MED13: variants seen among roughly 807,000 people sequenced by gnomAD.
MED13 encodes the protein mediator complex subunit 13, also known as mediator of RNA polymerase II transcription subunit 13.
MED13 carries 23 observed loss-of-function variants against 225.2 expected under a neutral mutation model. The ratio of observed to expected loss-of-function variants is 0.10; its 90% CI spans 0.07 to 0.14. The LOEUF (loss-of-function observed/expected upper bound fraction) is 0.14, where lower values mean the gene tolerates loss of function less well. Among genes scored for constraint, MED13 ranks in the 10% least tolerant of loss-of-function variants. The probability of loss-of-function intolerance (pLI) is 1.00; values close to 1 mark genes in which losing one functional copy is unlikely to be tolerated. For synonymous variants in MED13, 942 were observed against 889.2 expected (o/e 1.06, Z -1.06); for missense variants, 2,197 against 2,594.5 (o/e 0.85, Z 3.33).
At chr17:62,016,683 T>A (rs958940555) in intron 8 of MED13, among the ~76,000 whole-genome samples, 2 of 152,214 alleles carry the variant, frequency 1.3e-5, no homozygotes, top group African/African-American at 4.8e-5. Context: ...TTACTGTATG[T>A]CAAAATAATA....
intron 17 of MED13, among the ~76,000 whole-genome samples, chr17:61,972,112 CAA>C (rs926243449): frequency 1.1e-4 from 17 of 152,100 alleles, no homozygotes; most frequent in Non-Finnish European, 2.2e-4. Context: ...AATCCATACA[CAA>C]AAGTCAAAGA....
intron 3 of MED13, among the ~76,000 whole-genome samples, chr17:62,045,449 G>A (rs569950105): frequency 6.6e-6 from 1 of 151,926 alleles, no homozygotes; most frequent in Admixed American, 6.6e-5. Flanking sequence ...ATTAGGCCCA[G>A]AAGTTTGTGG....
chr17:61,951,039 G>T (rs1308164558), intron 27 of MED13, 41 bp from the exon 28 acceptor site: 2 of 1,494,886 alleles, frequency 1.3e-6, no homozygotes, highest in Non-Finnish European at 1.8e-6. Context: ...TTCACTCAGT[G>T]TAACTAAGTA....
At chr17:62,039,573 C>G (rs1352316941) in intron 3 of MED13, among the ~76,000 whole-genome samples, 1 of 150,774 alleles carries the variant, frequency 6.6e-6, no homozygotes, top group South Asian at 2.1e-4. Context: ...CATGAACCAC[C>G]GCACCCAGCC....
chr17:61,969,292 C>T lies in MED13; in HGVS notation c.3968-1034G>A, dbSNP rs540084824. 4.9e-4 allele frequency among the ~76,000 whole-genome samples: 74 copies of T among 151,930 alleles called. 3 individuals carry two copies. Among genetic ancestry groups the T allele is most frequent in the Non-Finnish European group, 5.4e-4 (37 of 67,972 alleles). The stretch of plus-strand genomic sequence containing the variant: ...GCTTGAACCCAGGGGGTGGAGGTTG[C>T]GGTGAGCTGAGATTGCACCAGTGCA... On this transcript the variant is annotated intron_variant, in intron 17 of 29. Transcript: ENST00000397786.
In MED13 at chr17:61,966,516, T is replaced by C; in HGVS notation, c.4327A>G (p.Asn1443Asp). 1 of 1,613,954 alleles carries C rather than the reference T, an allele frequency of 6.2e-7. No homozygotes were observed. Residue 1443 changes from asparagine (N) to aspartate (D), a missense_variant, in exon 19 of 30, where the codon AAT becomes GAT. Physicochemically the swap from Asn to Asp is conservative, Grantham distance 23. Transcript: ENST00000397786. The stretch of plus-strand genomic sequence containing the variant: ...AGCTTGAGTTTAGAAAATGCTTCAT[T>C]GTTACCGTCAGCTGCCTGAGAAAAC... ...EWFSQAADGNNEAFSKLKLYA... is the reference protein window; with the variant it reads ...EWFSQAADGNDEAFSKLKLYA...
intron 17 of MED13, among the ~76,000 whole-genome samples, chr17:61,971,026 A>C (rs1277989966): frequency 6.6e-6 from 1 of 151,894 alleles, no homozygotes; most frequent in Admixed American, 6.6e-5. Flanking sequence ...CTCAAAAATA[A>C]TAATAATAAA....
intron 27 of MED13, 92 bp downstream of exon 27, chr17:61,952,873 G>A: frequency 7.1e-7 from 1 of 1,414,472 alleles, no homozygotes; most frequent in Non-Finnish European, 9.6e-7. Flanking sequence ...CTGACCTCGT[G>A]ATCCACCTGC....
chr17:62,013,954 G>A (rs1316529876), intron 8 of MED13, among the ~76,000 whole-genome samples: 2 of 152,034 alleles, frequency 1.3e-5, no homozygotes, highest in Non-Finnish European at 1.5e-5. Flanking sequence ...CAGAAGAATC[G>A]CTTCAACCCA....
chr17:62,015,936 ATATATATATATATATATATTTTTTTT>A (rs2080568149), intron 8 of MED13, among the ~76,000 whole-genome samples: 3 of 8,840 alleles, frequency 3.4e-4, no homozygotes, highest in African/African-American at 8.1e-4. Context: ...ATATATATAT[ATATATATATATATATATATTTTTTTT>A]TTTTTTTTTT....
chr17:62,004,281 T>C (rs1164924328), intron 9 of MED13: 1 of 152,192 alleles, frequency 6.6e-6, no homozygotes, highest in African/African-American at 2.4e-5. Context: ...CTTGCCCTCA[T>C]AGAGCTTACA....
chr17:61,977,203 G>A (rs1010240687), intron 16 of MED13, among the ~76,000 whole-genome samples: 1 of 152,150 alleles, frequency 6.6e-6, no homozygotes, highest in Admixed American at 6.5e-5. Flanking sequence ...TATTATGTTA[G>A]AAGGTAATAG....
intron 8 of MED13, among the ~76,000 whole-genome samples, chr17:62,023,000 T>C (rs985757989): frequency 6.6e-6 from 1 of 151,926 alleles, no homozygotes; most frequent in African/African-American, 2.4e-5. Context: ...ACACAGCTAG[T>C]CTCTAAAAAA....
intron 8 of MED13, among the ~76,000 whole-genome samples, chr17:62,027,116 C>G (rs949732736): frequency 3.3e-5 from 5 of 152,108 alleles, no homozygotes; most frequent in African/African-American, 7.2e-5. Context: ...CAAAAAGAGC[C>G]CAAATAGCCA....
chr17:62,016,158 C>CA (rs2080578186), intron 8 of MED13, among the ~76,000 whole-genome samples: 1 of 131,976 alleles, frequency 7.6e-6, no homozygotes, highest in Admixed American at 7.5e-5. Flanking sequence ...TTCAAAAACA[C>CA]AAAAAACCAA....
intron 3 of MED13, among the ~76,000 whole-genome samples, chr17:62,044,278 C>T (rs1425398320): frequency 1.3e-5 from 2 of 151,604 alleles, no homozygotes; most frequent in South Asian, 2.1e-4. Context: ...ACCAAAAGTA[C>T]TGTTTTAATT....
intron 3 of MED13, among the ~76,000 whole-genome samples, chr17:62,035,924 T>C (rs546124700): frequency 6.6e-6 from 1 of 152,146 alleles, no homozygotes; most frequent in African/African-American, 2.4e-5. Flanking sequence ...AGGGATAGGC[T>C]ACCAAAATAG....
intron 10 of MED13, among the ~76,000 whole-genome samples, chr17:61,994,394 A>G (rs79633905): frequency 0.037 from 5,675 of 152,254 alleles, 172 homozygotes; most frequent in Non-Finnish European, 0.05. Context: ...TTTTATTCTA[A>G]TAACTATATA....
intron 2 of MED13, among the ~76,000 whole-genome samples, chr17:62,059,171 T>C (rs1370030088): frequency 6.6e-6 from 1 of 151,992 alleles, no homozygotes; most frequent in Non-Finnish European, 1.5e-5. Flanking sequence ...GGCAAAAAAA[T>C]AAAGGAAATC....
Sources: gnomAD v4.1 joint callset for allele counts (sites outside exome capture counted in the v4.1 genomes callset) on GRCh38, gnomAD v4.1.1 for gene constraint, MANE v1.5 for transcripts, NCBI Gene and HGNC (gene_info 2026-07-23, HGNC 2026-07-21) for gene names.